FMO3: variants seen among roughly 807,000 people sequenced by gnomAD.
FMO3 encodes flavin-containing monooxygenase 3.
A neutral mutation model predicts 39.4 loss-of-function variants in FMO3; 40 were observed. The observed-to-expected ratio is 1.02, with a 90% CI of 0.79 to 1.32. FMO3 has a LOEUF of 1.32. Among genes scored for constraint, FMO3 ranks in the 40% most tolerant of loss-of-function variants. The pLI, the probability that FMO3 is intolerant of heterozygous loss-of-function variation, is 0.00. For missense variants in FMO3, 680 were observed against 651.8 expected, an observed-to-expected ratio of 1.04 and a Z score of -0.47; for synonymous variants, 219 against 228.8, an observed-to-expected ratio of 0.96 and a Z score of 0.39.
Position 171,117,093 on chromosome 1 carries a change from T to C in FMO3, c.1257-7T>C, listed in dbSNP as rs1205377073. ...ATCCACAGTGGTGTTTTCTCTCCCA[T>C]CTCCAGGTTTGGCAAAAGCGAGACC... On this transcript the variant is annotated splice_region_variant and splice_polypyrimidine_tract_variant and intron_variant, in intron 8 of 8. Transcript: ENST00000367755. 1 of 1,610,368 alleles carries C rather than the reference T, an allele frequency of 6.2e-7. No homozygotes were observed. The highest frequency in any genetic ancestry group is 1.1e-5 in the South Asian group (1 of 91,002).
chr1:171,095,800 T>A (rs1449218971), intron 2 of FMO3, among the ~76,000 whole-genome samples: 3 of 127,078 alleles, frequency 2.4e-5, no homozygotes, highest in Non-Finnish European at 4.8e-5. Context: ...ATAAAAAATA[T>A]AAATATATAT....
At chr1:171,108,779 T>G (rs1571220096) in intron 5 of FMO3, among the ~76,000 whole-genome samples, 1 of 152,044 alleles carries the variant, frequency 6.6e-6, no homozygotes, top group Non-Finnish European at 1.5e-5. Flanking sequence ...ACAGGCATGA[T>G]CCCTGCTCTG....
intron 2 of FMO3, 129 bp from the exon 3 acceptor site, chr1:171,103,656 G>T: frequency 2.6e-6 from 2 of 762,476 alleles, no homozygotes; most frequent in Admixed American, 3.9e-5. Context: ...CGTAGATTTT[G>T]GTAACCACGG....
intron 2 of FMO3, among the ~76,000 whole-genome samples, chr1:171,097,458 T>C (rs991602248): frequency 4.9e-5 from 6 of 122,628 alleles, no homozygotes; most frequent in African/African-American, 2.2e-4. Context: ...ACCTGTTGTT[T>C]CCTGACTTTT....
rs183949390 is a variant in FMO3 at position 171,117,342 on chromosome 1, G to A, written c.1499G>A (p.Arg500Gln). Reference protein sequence around the residue: ...WDRSLKPMQTRVVGRLQKPCF... With the variant: ...WDRSLKPMQTQVVGRLQKPCF... Reference sequence around the variant, plus strand: ...CGGTCGTTGAAACCCATGCAGACACGAGTGGTCGGGAGACTTCAGAAGCCT... The same window carrying A: ...CGGTCGTTGAAACCCATGCAGACACAAGTGGTCGGGAGACTTCAGAAGCCT... Residue 500 changes from arginine (R) to glutamine (Q), a missense_variant, in exon 9 of 9, where the codon CGA becomes CAA. Coordinates refer to ENST00000367755, the MANE Select transcript of FMO3 (RefSeq NM_001002294.3). 53 of 1,613,084 alleles carry A rather than the reference G, an allele frequency of 3.3e-5. 1 individual carries two copies. In the Middle Eastern group the frequency reaches 2.2e-3, roughly 65 times the overall value.
intron 2 of FMO3, among the ~76,000 whole-genome samples, chr1:171,096,089 T>TATATATTATATATTATATATA (rs1655015038): frequency 4.3e-5 from 2 of 46,260 alleles, no homozygotes; most frequent in Non-Finnish European, 7.8e-5. Flanking sequence ...TAATATATAT[T>TATATATTATATATTATATATA]AATATTTTTA....
intron 2 of FMO3, among the ~76,000 whole-genome samples, chr1:171,096,622 TATAC>T (rs1655084361): frequency 8.0e-6 from 1 of 125,252 alleles, no homozygotes; most frequent in Admixed American, 9.3e-5. Flanking sequence ...AAATACATAA[TATAC>T]TTTATATATT....
intron 3 of FMO3, among the ~76,000 whole-genome samples, 194 bp downstream of exon 3, chr1:171,104,167 C>T (rs1422574138): frequency 1.3e-5 from 2 of 152,058 alleles, no homozygotes; most frequent in Non-Finnish European, 2.9e-5. Context: ...AATTTGACCA[C>T]CTACAGTTCT....
At chr1:171,095,790 A>G (rs1271295506) in intron 2 of FMO3, among the ~76,000 whole-genome samples, 2 of 130,108 alleles carry the variant, frequency 1.5e-5, no homozygotes, top group Admixed American at 1.9e-4. Context: ...TATTAAATAT[A>G]TAAAAAATAT....
At chr1:171,096,425 AAT>A (rs1461019933) in intron 2 of FMO3, among the ~76,000 whole-genome samples, 1 of 103,164 alleles carries the variant, frequency 9.7e-6, no homozygotes, top group African/African-American at 4.0e-5. Context: ...TGTTATATAT[AAT>A]ATATATTACA....
intron 2 of FMO3, among the ~76,000 whole-genome samples, chr1:171,095,774 T>A (rs1286084867): frequency 7.7e-6 from 1 of 130,626 alleles, no homozygotes; most frequent in Non-Finnish European, 1.6e-5. Context: ...TTAATATATA[T>A]TTATATATTA....
chr1:171,094,908 T>G (rs1654881670), intron 2 of FMO3, among the ~76,000 whole-genome samples: 1 of 152,182 alleles, frequency 6.6e-6, no homozygotes. Context: ...TTAGAATTGC[T>G]GAGGTTATTT....
At chr1:171,097,565 G>T (rs1266915660) in intron 2 of FMO3, among the ~76,000 whole-genome samples, 1 of 135,892 alleles carries the variant, frequency 7.4e-6, no homozygotes, top group Non-Finnish European at 1.5e-5. Flanking sequence ...TTTTTCATGT[G>T]TTTTTTGGCT....
At position 171,114,001 on chromosome 1, in the gene FMO3, A is replaced by G; in HGVS notation, c.828-6A>G. The G allele has an allele frequency of 6.4e-7, 1 of 1,563,534 alleles. No homozygotes were observed. Among genetic ancestry groups the G allele is most frequent in the Non-Finnish European group, 8.8e-7 (1 of 1,137,286 alleles). On this transcript the variant is annotated splice_region_variant and splice_polypyrimidine_tract_variant and intron_variant, in intron 6 of 8. Coordinates refer to ENST00000367755, the MANE Select transcript of FMO3 (RefSeq NM_001002294.3). ...CTTCCAATAATTGTCTCTGTTTTCC[A>G]TACAGAGTCCTGAGGAAAGAGCCTG... is the stretch of plus-strand genomic sequence containing the variant.
intron 4 of FMO3, 90 bp downstream of exon 4, chr1:171,107,927 TA>T: frequency 7.0e-7 from 1 of 1,427,476 alleles, no homozygotes; most frequent in Non-Finnish European, 9.9e-7. Context: ...ATAAGCAGGT[TA>T]AATTAAAATA....
At chr1:171,113,015 T>A (rs1655981888) in intron 6 of FMO3, among the ~76,000 whole-genome samples, 1 of 152,120 alleles carries the variant, frequency 6.6e-6, no homozygotes, top group African/African-American at 2.4e-5. Flanking sequence ...AATGCTAAGT[T>A]GAGTAAAAGG....
chr1:171,096,700 T>TAAA (rs1655097305), intron 2 of FMO3, among the ~76,000 whole-genome samples: 1 of 134,972 alleles, frequency 7.4e-6, no homozygotes, highest in Admixed American at 8.6e-5. Flanking sequence ...TTAATATAAT[T>TAAA]ATATAAAAAT....
Position 171,114,114 on chromosome 1 carries a change from T to G in FMO3, c.935T>G (p.Ile312Ser). ...AAGGAATTCACAGAGACCTCGGCCA[T>G]TTTTGAGGATGGGACCATATTTGAG... is the stretch of plus-strand genomic sequence containing the variant. ...NVKEFTETSA[I>S]FEDGTIFEGI... The change falls in exon 7 of 9, where the codon ATT becomes AGT. Residue 312 changes from isoleucine to serine, a missense_variant. Ile to Ser is a moderately radical substitution (Grantham distance 142). Transcript: ENST00000367755. The G allele has an allele frequency of 6.2e-7, 1 of 1,613,882 alleles. No homozygotes were observed. Among genetic ancestry groups the G allele is most frequent in the Non-Finnish European group, 8.5e-7 (1 of 1,179,852 alleles).
chr1:171,104,938 C>A (rs367543756), intron 3 of FMO3, among the ~76,000 whole-genome samples: 1 of 151,692 alleles, frequency 6.6e-6, no homozygotes, highest in South Asian at 2.1e-4. Flanking sequence ...ATCAAAGGCA[C>A]AAATAAATAA....
Sources: allele counts gnomAD v4.1 joint callset (sites outside exome capture counted in the v4.1 genomes callset), GRCh38; gene constraint gnomAD v4.1.1; transcripts MANE v1.5; gene names NCBI Gene and HGNC (gene_info 2026-07-23, HGNC 2026-07-21).